The following HDAC9 variants were observed in gnomAD, a reference collection of about 807,000 sequenced individuals.
HDAC9 encodes the protein MEF-2 interacting transcription repressor (MITR) protein.
Under a neutral mutation model 139.4 loss-of-function variants are expected in HDAC9, and 41 were observed. The observed-to-expected ratio is 0.29, with a 90% CI of 0.23 to 0.38. The LOEUF is 0.38. Ranked by LOEUF, HDAC9 falls within the 10% of genes least tolerant of loss-of-function variation. The pLI, the probability that HDAC9 is intolerant of heterozygous loss-of-function variation, is 1.00. For missense variants in HDAC9, 1,147 were observed against 1,297.0 expected (o/e 0.88, Z 1.78); for synonymous variants, 517 against 476.2 (o/e 1.09, Z -1.12).
intron 22 of HDAC9, among the ~76,000 whole-genome samples, chr7:18,910,024 T>C (rs1802607610): frequency 6.6e-6 from 1 of 151,926 alleles, no homozygotes; most frequent in Non-Finnish European, 1.5e-5. Context: ...ACCTAGATGA[T>C]CTGTCCAATG....
chr7:18,145,851 C>G (rs1049732712), intron 1 of HDAC9, among the ~76,000 whole-genome samples: 4 of 152,092 alleles, frequency 2.6e-5, no homozygotes, highest in African/African-American at 9.7e-5. Flanking sequence ...TCAGAGATCT[C>G]TATTGTGTTA....
intron 16 of HDAC9, among the ~76,000 whole-genome samples, chr7:18,769,863 G>A (rs990815444): frequency 2.0e-5 from 3 of 152,110 alleles, no homozygotes; most frequent in Non-Finnish European, 4.4e-5. Flanking sequence ...TTACCGAAAT[G>A]ACTTTTGTCT....
chr7:18,604,207 C>T (rs1001645731), intron 6 of HDAC9, among the ~76,000 whole-genome samples: 1 of 151,902 alleles, frequency 6.6e-6, no homozygotes, highest in South Asian at 2.1e-4. Context: ...AATATTTATT[C>T]TTTCTCTCTT....
intron 1 of HDAC9, among the ~76,000 whole-genome samples, chr7:18,096,452 T>C: frequency 6.6e-6 from 1 of 152,222 alleles, no homozygotes. Context: ...AGAAACTGAT[T>C]AGCATACAAC....
intron 1 of HDAC9, among the ~76,000 whole-genome samples, chr7:18,317,646 T>A (rs1799748544): frequency 6.6e-6 from 1 of 152,212 alleles, no homozygotes; most frequent in South Asian, 2.1e-4. Context: ...CATATCTGTG[T>A]TCTCTGATAA....
At chr7:18,352,325 G>C (rs911508629) in intron 1 of HDAC9, among the ~76,000 whole-genome samples, 7 of 152,168 alleles carry the variant, frequency 4.6e-5, no homozygotes, top group African/African-American at 1.7e-4. Flanking sequence ...AGATAGAAGA[G>C]CTGAGACAAT....
intron 11 of HDAC9, among the ~76,000 whole-genome samples, chr7:18,659,790 G>C (rs981659989): frequency 2.6e-5 from 4 of 152,176 alleles, no homozygotes; most frequent in African/African-American, 9.6e-5. Context: ...CCTCAGCAGA[G>C]ATTCACACAG....
chr7:18,594,134 A>G, intron 6 of HDAC9, 105 bp downstream of exon 6: 1 of 1,179,236 alleles, frequency 8.5e-7, no homozygotes, highest in Non-Finnish European at 1.2e-6. Context: ...GTCGTAGATA[A>G]TATACCTCCC....
chr7:18,746,679 A>T (rs17139789), intron 13 of HDAC9, among the ~76,000 whole-genome samples: 3,186 of 152,286 alleles, frequency 0.021, 210 homozygotes, highest in East Asian at 0.18. Context: ...TTTGGGATAC[A>T]TTCATTCATT....
chr7:18,465,408 C>T (rs1586097469), intron 1 of HDAC9, among the ~76,000 whole-genome samples: 1 of 151,996 alleles, frequency 6.6e-6, no homozygotes, highest in East Asian at 1.9e-4. Context: ...TCACTGTGAT[C>T]CTTCATTATA....
chr7:18,932,848 A>AAAGAAAGAAAGAAAG (rs1804881294), intron 22 of HDAC9, among the ~76,000 whole-genome samples: 4 of 138,204 alleles, frequency 2.9e-5, no homozygotes, highest in African/African-American at 5.7e-5. Flanking sequence ...AGGAAGGAAA[A>AAAGAAAGAAAGAAAG]AAAGAAAGAA....
At chr7:18,310,566 C>G (rs1305405799) in intron 1 of HDAC9, among the ~76,000 whole-genome samples, 1 of 152,144 alleles carries the variant, frequency 6.6e-6, no homozygotes, top group Non-Finnish European at 1.5e-5. Context: ...TATGCATACA[C>G]TCACGTTTAA....
At chr7:18,786,485 T>TCGTC (rs1562940495) in intron 16 of HDAC9, among the ~76,000 whole-genome samples, 1 of 128,480 alleles carries the variant, frequency 7.8e-6, no homozygotes, top group Non-Finnish European at 1.6e-5. Context: ...TTCCTTCCTT[T>TCGTC]CTTCCTTCCT....
intron 1 of HDAC9, among the ~76,000 whole-genome samples, chr7:18,418,944 A>G (rs138934425): frequency 1.3e-5 from 2 of 152,226 alleles, no homozygotes; most frequent in Non-Finnish European, 2.9e-5. Context: ...CAGAGAAGTA[A>G]TGTTTGTTTG....
intron 1 of HDAC9, among the ~76,000 whole-genome samples, chr7:18,369,509 A>C (rs975545819): frequency 8.0e-5 from 12 of 150,034 alleles, no homozygotes; most frequent in Non-Finnish European, 1.5e-4. Flanking sequence ...TTCTCTTTTA[A>C]ATATTTGTAA....
At chr7:18,336,295 G>T (rs902438347) in intron 1 of HDAC9, among the ~76,000 whole-genome samples, 2 of 151,490 alleles carry the variant, frequency 1.3e-5, no homozygotes, top group African/African-American at 4.8e-5. Context: ...ATGAGATGTT[G>T]CCCAGATCTG....
At chr7:18,279,359 A>G (rs1796947044) in intron 2 of HDAC9, among the ~76,000 whole-genome samples, 1 of 152,082 alleles carries the variant, frequency 6.6e-6, no homozygotes, top group Non-Finnish European at 1.5e-5. Context: ...AATAAATGAA[A>G]TGGTTAGGGA....
intron 1 of HDAC9, among the ~76,000 whole-genome samples, chr7:18,290,682 C>G (rs1797750606): frequency 6.6e-6 from 1 of 152,072 alleles, no homozygotes; most frequent in Non-Finnish European, 1.5e-5. Context: ...ACAGTAGCAA[C>G]AACAACAACA....
chr7:18,832,061 G>A (rs1795893229), intron 19 of HDAC9, among the ~76,000 whole-genome samples: 1 of 152,166 alleles, frequency 6.6e-6, no homozygotes, highest in Non-Finnish European at 1.5e-5. Context: ...TTTATTCCAT[G>A]TTCCTTTCTG....
Sources: allele counts gnomAD v4.1 joint callset (sites outside exome capture counted in the v4.1 genomes callset), GRCh38; gene constraint gnomAD v4.1.1; transcripts MANE v1.5; gene names NCBI Gene and HGNC (gene_info 2026-07-23, HGNC 2026-07-21).